Variants in SERGEF observed in about 807,000 individuals in gnomAD.
SERGEF encodes the protein secretion-regulating guanine nucleotide exchange factor.
Under a neutral mutation model 50.0 loss-of-function variants are expected in SERGEF, and 51 were observed. That is an observed-to-expected ratio of 1.02 (90% confidence interval 0.81 to 1.29). The LOEUF is 1.29. Ranked by LOEUF, SERGEF falls within the 50% of genes most tolerant of loss-of-function variation. SERGEF has a pLI of 0.00. For missense variants in SERGEF, 521 were observed against 557.0 expected, an observed-to-expected ratio of 0.94 and a Z score of 0.65; for synonymous variants, 205 against 212.4, an observed-to-expected ratio of 0.97 and a Z score of 0.30.
intron 5 of SERGEF, among the ~76,000 whole-genome samples, chr11:17,997,162 A>T (rs753077491): frequency 6.6e-6 from 1 of 152,180 alleles, no homozygotes; most frequent in Non-Finnish European, 1.5e-5. Flanking sequence ...ACGCCACTGC[A>T]CTCTAGCCTG....
chr11:17,889,695 T>C (rs966572869), intron 9 of SERGEF, among the ~76,000 whole-genome samples: 1 of 152,190 alleles, frequency 6.6e-6, no homozygotes, highest in Admixed American at 6.5e-5. Context: ...GATAAGAGTA[T>C]TCTATCAACG....
At chr11:18,012,883 G>T in intron 1 of SERGEF, 68 bp downstream of exon 1, 1 of 1,516,686 alleles carries the variant, frequency 6.6e-7, no homozygotes, top group Non-Finnish European at 8.8e-7. Flanking sequence ...TGCCCACGCC[G>T]CGGCCAGCAG....
At chr11:17,823,600 GC>G (rs1289904651) in intron 10 of SERGEF, among the ~76,000 whole-genome samples, 2 of 152,174 alleles carry the variant, frequency 1.3e-5, no homozygotes, top group Non-Finnish European at 2.9e-5. Flanking sequence ...GGAAGAGAAG[GC>G]GGGGAGGGTG....
chr11:17,828,239 G>A (rs1237751327), intron 10 of SERGEF, among the ~76,000 whole-genome samples: 2 of 152,210 alleles, frequency 1.3e-5, no homozygotes, highest in Non-Finnish European at 2.9e-5. Flanking sequence ...TGTGTTTGTG[G>A]CCTCTTTCTA....
chr11:17,998,356 G>A (rs74787634), intron 5 of SERGEF, among the ~76,000 whole-genome samples: 7,602 of 149,710 alleles, frequency 0.051, 269 homozygotes, highest in Admixed American at 0.076. Context: ...GTTTGAGGTC[G>A]CAGTGAACCA....
chr11:17,820,841 G>A (rs554079451), intron 10 of SERGEF, among the ~76,000 whole-genome samples: 3 of 152,196 alleles, frequency 2.0e-5, no homozygotes, highest in Admixed American at 2.0e-4. Context: ...AGACAAAAGA[G>A]GAGGAGGCAG....
intron 10 of SERGEF, among the ~76,000 whole-genome samples, chr11:17,802,510 G>C (rs934189509): frequency 6.6e-6 from 1 of 152,160 alleles, no homozygotes; most frequent in African/African-American, 2.4e-5. Context: ...TTCTAGCTCA[G>C]AAGAAAATAC....
intron 9 of SERGEF, among the ~76,000 whole-genome samples, chr11:17,930,374 G>A (rs924112798): frequency 2.0e-5 from 3 of 152,150 alleles, no homozygotes; most frequent in Non-Finnish European, 4.4e-5. Context: ...AGGAATAAGG[G>A]AAGGTCAAAG....
chr11:17,838,575 C>T (rs891856678), intron 10 of SERGEF, among the ~76,000 whole-genome samples: 1 of 152,156 alleles, frequency 6.6e-6, no homozygotes, highest in Non-Finnish European at 1.5e-5. Context: ...TATCATCACC[C>T]TCCCAGGGAG....
chr11:17,865,899 G>A (rs1242909020), intron 10 of SERGEF, among the ~76,000 whole-genome samples: 2 of 151,946 alleles, frequency 1.3e-5, no homozygotes, highest in Non-Finnish European at 2.9e-5. Context: ...TAATGTCCTG[G>A]GCCTTCATAT....
intron 9 of SERGEF, among the ~76,000 whole-genome samples, chr11:17,926,117 G>A (rs988841026): frequency 6.6e-6 from 1 of 152,116 alleles, no homozygotes; most frequent in African/African-American, 2.4e-5. Flanking sequence ...GTCATTAGAT[G>A]TCAGTTTCAA....
At chr11:17,990,807 C>T (rs1429120691) in intron 7 of SERGEF, among the ~76,000 whole-genome samples, 1 of 151,828 alleles carries the variant, frequency 6.6e-6, no homozygotes, top group African/African-American at 2.4e-5. Context: ...TGCTCTGTCA[C>T]CCAGGCTGGA....
intron 9 of SERGEF, among the ~76,000 whole-genome samples, chr11:17,953,323 C>T (rs1037201474): frequency 3.9e-5 from 6 of 152,194 alleles, no homozygotes; most frequent in Non-Finnish European, 8.8e-5. Context: ...GATAGGCATA[C>T]TCAAGCATCT....
intron 4 of SERGEF, among the ~76,000 whole-genome samples, chr11:18,002,918 T>C (rs956809636): frequency 6.6e-6 from 1 of 152,228 alleles, no homozygotes; most frequent in Non-Finnish European, 1.5e-5. Context: ...TCTGATTCTG[T>C]CAACCAACAT....
intron 10 of SERGEF, among the ~76,000 whole-genome samples, chr11:17,792,179 C>G (rs76703291): frequency 1.2e-4 from 19 of 152,284 alleles, no homozygotes; most frequent in African/African-American, 4.6e-4. Flanking sequence ...AATCACTGGC[C>G]AAAAGCTTGG....
intron 10 of SERGEF, among the ~76,000 whole-genome samples, chr11:17,803,496 G>T (rs571457270): frequency 3.3e-5 from 5 of 152,346 alleles, no homozygotes; most frequent in African/African-American, 1.2e-4. Context: ...TCTTGCCTCT[G>T]TCACCTACTG....
intron 10 of SERGEF, among the ~76,000 whole-genome samples, chr11:17,839,130 T>C (rs925857591): frequency 3.9e-5 from 6 of 152,150 alleles, no homozygotes; most frequent in African/African-American, 1.4e-4. Context: ...CAGGGACAAA[T>C]GTCTTCAAGT....
At chr11:17,966,648 A>C (rs1853131297) in intron 8 of SERGEF, among the ~76,000 whole-genome samples, 1 of 152,274 alleles carries the variant, frequency 6.6e-6, no homozygotes, top group East Asian at 1.9e-4. Context: ...ATAAACATTA[A>C]AACTTGACTG....
chr11:17,964,067 C>G (rs1197238334), intron 8 of SERGEF, among the ~76,000 whole-genome samples: 1 of 152,066 alleles, frequency 6.6e-6, no homozygotes, highest in Non-Finnish European at 1.5e-5. Flanking sequence ...AAACACCATT[C>G]TGAGATTTCA....
Sources: allele counts gnomAD v4.1 joint callset (sites outside exome capture counted in the v4.1 genomes callset), GRCh38; gene constraint gnomAD v4.1.1; transcripts MANE v1.5; gene names NCBI Gene and HGNC (gene_info 2026-07-23, HGNC 2026-07-21).